The following MYO18B variants were observed in gnomAD, a reference collection of about 807,000 sequenced individuals.
MYO18B encodes the protein myosin XVIIIB, also known as unconventional myosin-XVIIIb.
In MYO18B, 204 loss-of-function variants were observed where a neutral mutation model predicts 273.0. That is an observed-to-expected ratio of 0.75 (90% CI 0.67 to 0.84). The LOEUF (loss-of-function observed/expected upper bound fraction) is 0.84, where lower values mean the gene tolerates loss of function less well. MYO18B is among the 40% of genes least tolerant of loss of function. MYO18B has a pLI of 0.00. For missense variants in MYO18B, 3,212 were observed against 3,287.6 expected, an observed-to-expected ratio of 0.98 and a Z score of 0.56; for synonymous variants, 1,330 against 1,305.7, an observed-to-expected ratio of 1.02 and a Z score of -0.40.
chr22:25,930,693 T>G (rs1375161171), intron 34 of MYO18B, among the ~76,000 whole-genome samples: 1 of 151,932 alleles, frequency 6.6e-6, no homozygotes, highest in African/African-American at 2.4e-5. Flanking sequence ...AGGCTGGTCT[T>G]GAACTCCTGG....
chr22:25,817,652 A>G (rs898197420), intron 12 of MYO18B, among the ~76,000 whole-genome samples: 1 of 152,124 alleles, frequency 6.6e-6, no homozygotes, highest in Admixed American at 6.5e-5. Context: ...TGTCTCATGG[A>G]TCATTAGATC....
chr22:25,917,545 GGTGTGTGT>G (rs3070569), intron 33 of MYO18B, among the ~76,000 whole-genome samples: 4 of 142,244 alleles, frequency 2.8e-5, no homozygotes, highest in East Asian at 2.0e-4. Flanking sequence ...GCTTTGTAGG[GGTGTGTGT>G]GTGTGTGTGT....
At chr22:25,906,179 A>G (rs2092038752) in intron 31 of MYO18B, among the ~76,000 whole-genome samples, 2 of 152,194 alleles carry the variant, frequency 1.3e-5, no homozygotes, top group Non-Finnish European at 2.9e-5. Context: ...GTGGATATTT[A>G]TTGATTATAA....
At chr22:26,053,578 G>T in the MYO18B span, among the ~76,000 whole-genome samples, 17 of 152,188 alleles carry the variant, frequency 1.1e-4, no homozygotes, top group Non-Finnish European at 2.2e-4. Flanking sequence ...TGAGCCCTTT[G>T]GTAGTGAACC....
intron 15 of MYO18B, 48 bp downstream of exon 15, chr22:25,829,016 G>A: frequency 6.3e-7 from 1 of 1,592,342 alleles, no homozygotes; most frequent in South Asian, 1.1e-5. Context: ...CGTGGATGGT[G>A]TAAGGTCAGA....
chr22:25,781,761 G>C lies in MYO18B; in HGVS notation c.2239G>C (p.Ala747Pro). ...QTMLLEKSRV[A>P]RQPEGESNFL... ...AATGCTTTTGGAGAAGAGCCGCGTG[G>C]CACGGCAGCCGGAAGGGGAAAGTAA... The change falls in exon 10 of 44, where the codon GCA (alanine) becomes CCA (proline). Residue 747 changes from alanine to proline, a missense_variant. Ala to Pro is a conservative substitution (Grantham distance 27). Transcript: ENST00000335473. 6.3e-7 allele frequency: 1 copy of C among 1,587,592 alleles called. No homozygotes were observed. The highest frequency in any genetic ancestry group is 8.6e-7 in the Non-Finnish European group (1 of 1,168,136).
intron 39 of MYO18B, among the ~76,000 whole-genome samples, chr22:25,991,433 C>G (rs2093269593): frequency 6.6e-6 from 1 of 152,222 alleles, no homozygotes; most frequent in South Asian, 2.1e-4. Flanking sequence ...CAAGTTGCGA[C>G]TGCCAAAAAT....
At chr22:25,820,825 A>G (rs890578873) in intron 12 of MYO18B, among the ~76,000 whole-genome samples, 2 of 152,012 alleles carry the variant, frequency 1.3e-5, no homozygotes, top group African/African-American at 4.8e-5. Context: ...CTATCCGCCC[A>G]CTTACCTCCC....
At position 25,762,931 on chromosome 22, in the gene MYO18B, G is replaced by A. The variant is rs375849087; in HGVS notation, c.40-300G>A. 1.5e-3 allele frequency: 817 copies of A among 542,206 alleles called. 10 individuals carry two copies. The highest frequency in any genetic ancestry group is 0.011 in the South Asian group (744 of 66,510). The allele number at this position is 542,206 out of a possible 1,614,324, so 33.6% of individuals were successfully genotyped here. ...ATGGGCATGTCCCATGGCAAGGAAG[G>A]GAACCAGCAGCCTTGACCATACAAG... is the stretch of plus-strand genomic sequence containing the variant. On this transcript the variant is annotated intron_variant, in intron 2 of 43. Transcript: ENST00000335473.
chr22:25,995,162 A>C (rs572471068), intron 40 of MYO18B, among the ~76,000 whole-genome samples: 1 of 152,380 alleles, frequency 6.6e-6, no homozygotes, highest in South Asian at 2.1e-4. Context: ...GGAAGTCATT[A>C]TGTTAAGTGA....
chr22:26,041,239 A>G, the MYO18B span, among the ~76,000 whole-genome samples: 2 of 151,730 alleles, frequency 1.3e-5, no homozygotes, highest in African/African-American at 4.9e-5. Context: ...CAGGGAAGCC[A>G]AAAGATTGGT....
At chr22:25,785,079 C>A (rs527805121) in intron 10 of MYO18B, among the ~76,000 whole-genome samples, 2 of 152,136 alleles carry the variant, frequency 1.3e-5, no homozygotes, top group South Asian at 2.1e-4. Context: ...TAGGACTTAG[C>A]ATGCAGTAAG....
chr22:26,028,249 G>GAAAAAAAAAAAAAAAAAA (rs753643785), intron 43 of MYO18B: 2 of 136,804 alleles, frequency 1.5e-5, no homozygotes, highest in African/African-American at 2.9e-5. Context: ...TCTGTCTCAG[G>GAAAAAAAAAAAAAAAAAA]GAAAAAAAAA....
intron 6 of MYO18B, among the ~76,000 whole-genome samples, 178 bp downstream of exon 6, chr22:25,771,162 C>T (rs1009335979): frequency 5.3e-5 from 8 of 152,240 alleles, no homozygotes; most frequent in Non-Finnish European, 4.4e-5. Context: ...CATTGCTCTA[C>T]TGGAGGGGTA....
At position 26,016,907 on chromosome 22, in the gene MYO18B, G is replaced by A. The variant is rs966903465; in HGVS notation, c.6471-9538G>A. ...TTGGGCTGAACATTAAAGGGTGAGT[G>A]AAAATGTTTGTTTGTGTGTTTTTTC... On this transcript the variant is annotated intron_variant, in intron 42 of 43. Coordinates refer to ENST00000335473, the MANE Select transcript of MYO18B (RefSeq NM_032608.7). 2.0e-4 allele frequency among the ~76,000 whole-genome samples: 30 copies of A among 152,308 alleles called. No homozygotes were observed. The East Asian group carries it at 5.8e-3, about 29-fold the overall frequency.
In MYO18B at chr22:25,768,440, C is replaced by T. The variant is rs563679638; in HGVS notation, c.524C>T (p.Ala175Val). 5.3e-6 allele frequency: 7 copies of T among 1,309,524 alleles called. No individual in the cohort carries two copies. The highest frequency in any genetic ancestry group is 4.6e-5 in the East Asian group (2 of 43,722). 81.1% of individuals were successfully genotyped at this position (1,309,524 alleles called of 1,614,324 possible). The change falls in exon 4 of 44, where the codon GCC becomes GTC. Residue 175 changes from alanine to valine, a missense_variant. Physicochemically the swap from Ala to Val is moderately conservative, Grantham distance 64 (BLOSUM62 0). Transcript: ENST00000335473. ...AKPEKTHPHD[A>V]PPCKTSPPAT... ...CCAGAGAAGACTCATCCCCATGACG[C>T]CCCCCCTTGCAAGACCTCTCCCCCC...
chr22:26,018,916 AT>A (rs1935589896), intron 42 of MYO18B, among the ~76,000 whole-genome samples: 1 of 152,142 alleles, frequency 6.6e-6, no homozygotes. Context: ...AGATTGTGCC[AT>A]TGCACTCCAG....
In MYO18B at chr22:25,968,162, C is replaced by G. The variant is rs567786294; in HGVS notation, c.6156+12798C>G. ...TCCACCCAGCGGCTCAAACAAAGGC[C>G]AAGAAGTAGAATCTCATTGACCCTG... On this transcript the variant is annotated intron_variant, in intron 39 of 43. Coordinates refer to ENST00000335473, the MANE Select transcript of MYO18B (RefSeq NM_032608.7). Among the ~76,000 whole-genome samples the G allele has an allele frequency of 1.3e-3, 204 of 152,226 alleles. 1 individual carries two copies. The highest frequency in any genetic ancestry group is 1.5e-3 in the Non-Finnish European group (104 of 68,014).
chr22:26,028,303 A>G (rs1455741694), intron 43 of MYO18B: 1 of 151,020 alleles, frequency 6.6e-6, no homozygotes, highest in Non-Finnish European at 1.5e-5. Flanking sequence ...CCCTACTGTC[A>G]TTTTCTTTTC....
Sources: allele counts gnomAD v4.1 joint callset (sites outside exome capture counted in the v4.1 genomes callset), GRCh38; gene constraint gnomAD v4.1.1; transcripts MANE v1.5; gene names NCBI Gene and HGNC (gene_info 2026-07-23, HGNC 2026-07-21).